Variants in CDC16 observed in about 807,000 individuals in gnomAD.
The protein encoded by CDC16 is cell division cycle 16, also known as cell division cycle protein 16 homolog.
In CDC16, 34 loss-of-function variants were observed where a neutral mutation model predicts 87.0. That is an observed-to-expected ratio of 0.39 (90% confidence interval 0.30 to 0.52). CDC16 has a LOEUF of 0.52. Ranked by LOEUF, CDC16 falls within the 20% of genes least tolerant of loss-of-function variation. The probability of loss-of-function intolerance (pLI) is 0.74; values close to 1 mark genes in which losing one functional copy is unlikely to be tolerated. For missense variants in CDC16, 653 were observed against 751.9 expected (o/e 0.87, Z 1.54); for synonymous variants, 263 against 260.6 (o/e 1.01, Z -0.09).
chr13:114,271,020 C>T (rs1450160367), intron 17 of CDC16, among the ~76,000 whole-genome samples: 2 of 144,912 alleles, frequency 1.4e-5, no homozygotes, highest in Non-Finnish European at 3.0e-5. Context: ...CTCCCAGGTT[C>T]ACGCCATTCT....
intron 3 of CDC16, among the ~76,000 whole-genome samples, chr13:114,237,192 C>G (rs142542624): frequency 6.6e-6 from 1 of 150,818 alleles, no homozygotes; most frequent in African/African-American, 2.4e-5. Flanking sequence ...CATTGCACTC[C>G]AGCCTGGACA....
Position 114,250,682 on chromosome 13 carries a change from A to C in CDC16, c.1097+8A>C, listed in dbSNP as rs374162436. On this transcript the variant is annotated splice_region_variant and intron_variant, in intron 12 of 17. Coordinates refer to ENST00000356221, the MANE Select transcript of CDC16 (RefSeq NM_001078645.3). ...AGCACAGCTGATGAAAGGGTACGGC[A>C]GAGCAAACTCATCAAACTCCATGAA... 7 of 1,613,380 alleles carry C rather than the reference A, an allele frequency of 4.3e-6. No individual in the cohort carries two copies. In the African/African-American group the frequency reaches 8.0e-5, roughly 18 times the overall value.
At chr13:114,258,557 T>G (rs2082647135) in intron 13 of CDC16, among the ~76,000 whole-genome samples, 1 of 152,172 alleles carries the variant, frequency 6.6e-6, no homozygotes, top group African/African-American at 2.4e-5. Flanking sequence ...AGGAAACACA[T>G]GTATTAGAGA....
At chr13:114,263,814 C>G (rs1001832468) in intron 16 of CDC16, among the ~76,000 whole-genome samples, 1 of 152,184 alleles carries the variant, frequency 6.6e-6, no homozygotes, top group Non-Finnish European at 1.5e-5. Flanking sequence ...ATTCCCGCAT[C>G]TGTTTAAGTG....
At position 114,259,363 on chromosome 13, in the gene CDC16, G is replaced by A; in HGVS notation, c.1279G>A (p.Asp427Asn). The change falls in exon 14 of 18, where the codon GAT becomes AAT. Residue 427 changes from aspartate to asparagine, a missense_variant. Physicochemically the swap from Asp to Asn is conservative, Grantham distance 23. Transcript: ENST00000356221. ...GAAAACAGCCGAAAAATGGTTTCTTGATGCTTTGGAAAAAATTAAAGCAAT... is the reference window on the plus strand; with the variant it reads ...GAAAACAGCCGAAAAATGGTTTCTTAATGCTTTGGAAAAAATTAAAGCAAT... ...EWKTAEKWFL[D>N]ALEKIKAIGN... The A allele has an allele frequency of 6.3e-7, 1 of 1,575,804 alleles. No homozygotes were observed. The highest frequency in any genetic ancestry group is 8.5e-7 in the Non-Finnish European group (1 of 1,169,856).
At chr13:114,263,804 A>T (rs2083012043) in intron 16 of CDC16, among the ~76,000 whole-genome samples, 1 of 152,116 alleles carries the variant, frequency 6.6e-6, no homozygotes, top group African/African-American at 2.4e-5. Context: ...GAAAACCACA[A>T]TTCCCGCATC....
intron 1 of CDC16, 49 bp downstream of exon 1, chr13:114,235,181 T>C: frequency 8.4e-7 from 1 of 1,197,522 alleles, no homozygotes; most frequent in Non-Finnish European, 1.0e-6. Flanking sequence ...GCCGGGTCTT[T>C]TTCCGCGCGG....
chr13:114,262,062 C>T, intron 15 of CDC16, 114 bp downstream of exon 15: 1 of 581,130 alleles, frequency 1.7e-6, no homozygotes. Context: ...TTGTACTTGG[C>T]TGCTCAGATA....
chr13:114,248,566 C>T (rs568770849), intron 11 of CDC16, among the ~76,000 whole-genome samples: 21 of 152,080 alleles, frequency 1.4e-4, no homozygotes, highest in African/African-American at 4.8e-4. Flanking sequence ...CTGTAATCCC[C>T]GCTACTTGGG....
intron 17 of CDC16, among the ~76,000 whole-genome samples, chr13:114,270,768 C>T (rs1055460548): frequency 2.0e-5 from 3 of 152,176 alleles, no homozygotes; most frequent in Non-Finnish European, 2.9e-5. Flanking sequence ...CTCTGCCCCT[C>T]GGCAGCCCTG....
rs190515254 is a variant in CDC16 at position 114,235,272 on chromosome 13, G to A, written c.48+140G>A. 3.1e-3 allele frequency: 1,706 copies of A among 550,634 alleles called. 18 individuals are homozygous for A. Among genetic ancestry groups the A allele is most frequent in the African/African-American group, 0.029 (1,490 of 51,492 alleles). The allele number at this position is 550,634 out of a possible 1,614,324, so 34.1% of individuals were successfully genotyped here. ...CCTGGGCCTTCATCTGGGGCCAGCA[G>A]CGCTGTCTCCGCCTCGCCCAGAAGG... On this transcript the variant is annotated intron_variant, in intron 1 of 17. Transcript: ENST00000356221.
intron 1 of CDC16, among the ~76,000 whole-genome samples, chr13:114,235,593 G>A (rs2081208461): frequency 1.3e-5 from 2 of 152,222 alleles, no homozygotes; most frequent in Admixed American, 1.3e-4. Context: ...CGTTAACTAT[G>A]TCTGTGTTCT....
intron 3 of CDC16, among the ~76,000 whole-genome samples, chr13:114,238,350 C>T (rs959120146): frequency 3.6e-5 from 5 of 138,342 alleles, no homozygotes; most frequent in African/African-American, 1.2e-4. Context: ...GCGATCTCCT[C>T]GGATGCCCAG....
chr13:114,245,928 G>T (rs1320570946), intron 9 of CDC16, 72 bp from the exon 10 acceptor site: 3 of 790,092 alleles, frequency 3.8e-6, no homozygotes, highest in Non-Finnish European at 6.4e-6. Flanking sequence ...ATTGTGAAGA[G>T]TTGTAATGAA....
intron 13 of CDC16, among the ~76,000 whole-genome samples, chr13:114,257,734 A>G (rs1409976893): frequency 1.3e-5 from 2 of 152,158 alleles, no homozygotes; most frequent in African/African-American, 4.8e-5. Flanking sequence ...AATCCTTTGC[A>G]TTTCATGATA....
Position 114,242,102 on chromosome 13 carries a change from CTCA to C in CDC16, c.382-14_382-12del, listed in dbSNP as rs746583018. ...TTAAAAGTACTGACTTAATATGTGA[CTCA>C]TCATTTTTCCAACAGATAAAGAGTT... On this transcript the variant is annotated splice_polypyrimidine_tract_variant and intron_variant, in intron 5 of 17. Coordinates refer to ENST00000356221, the MANE Select transcript of CDC16 (RefSeq NM_001078645.3). 8.2e-6 allele frequency: 13 copies of C among 1,586,534 alleles called. No homozygotes were observed. The highest frequency in any genetic ancestry group is 1.9e-5 in the Admixed American group (1 of 52,140).
At chr13:114,243,370 GC>G in intron 7 of CDC16, 22 bp downstream of exon 7, 1 of 1,124,846 alleles carries the variant, frequency 8.9e-7, no homozygotes, top group Non-Finnish European at 1.4e-6. Flanking sequence ...CAAAGAGTTA[GC>G]ACTTGCTTTA....
intron 14 of CDC16, among the ~76,000 whole-genome samples, chr13:114,260,151 C>T (rs890395310): frequency 6.6e-6 from 1 of 152,236 alleles, no homozygotes; most frequent in Non-Finnish European, 1.5e-5. Context: ...CAGTTTTCTT[C>T]TCCCTTGGCT....
At chr13:114,267,888 T>G (rs3861104) in intron 17 of CDC16, among the ~76,000 whole-genome samples, 10,491 of 152,142 alleles carry the variant, frequency 0.069, 686 homozygotes, top group East Asian at 0.35. Context: ...CTCAAGAAAT[T>G]TAGGTAACAC....
Sources: gnomAD v4.1 joint callset for allele counts (sites outside exome capture counted in the v4.1 genomes callset) on GRCh38, gnomAD v4.1.1 for gene constraint, MANE v1.5 for transcripts, NCBI Gene and HGNC (gene_info 2026-07-23, HGNC 2026-07-21) for gene names.